The following ZBTB1 variants were observed in gnomAD, a reference collection of about 807,000 sequenced individuals.
The protein encoded by ZBTB1 is zinc finger and BTB domain containing 1.
In ZBTB1, 13 loss-of-function variants were observed where a neutral mutation model predicts 51.6. The ratio of observed to expected loss-of-function variants is 0.25; its 90% CI spans 0.16 to 0.40. The LOEUF is 0.40. Among genes scored for constraint, ZBTB1 ranks in the 10% least tolerant of loss-of-function variants. ZBTB1 has a pLI of 1.00. For missense variants in ZBTB1, 567 were observed against 856.5 expected (o/e 0.66, Z 4.22); for synonymous variants, 240 against 282.2 (o/e 0.85, Z 1.50).
At chr14:64,512,501 A>G (rs1408284356) in intron 1 of ZBTB1, among the ~76,000 whole-genome samples, 3 of 152,242 alleles carry the variant, frequency 2.0e-5, no homozygotes, top group African/African-American at 4.8e-5. Flanking sequence ...TAGGCTTAAT[A>G]TATAGCTCCA....
At chr14:64,516,359 C>G (rs1013553423) in intron 1 of ZBTB1, among the ~76,000 whole-genome samples, 4 of 152,222 alleles carry the variant, frequency 2.6e-5, no homozygotes, top group African/African-American at 9.6e-5. Context: ...TTATAAGTTA[C>G]TGTGCCTAAA....
At chr14:64,509,846 G>T (rs1021874044) in intron 1 of ZBTB1, among the ~76,000 whole-genome samples, 7 of 152,028 alleles carry the variant, frequency 4.6e-5, no homozygotes, top group Non-Finnish European at 1.0e-4. Flanking sequence ...GCGTGGTGGT[G>T]GGCGCCTGTA....
Position 64,523,101 on chromosome 14 carries a change from C to T in ZBTB1, c.1597C>T (p.Pro533Ser). ...KKQLFKHSAC[P>S]FRCPNCGQRF... ...GCAGTTATTTAAACATTCTGCCTGC[C>T]CTTTTCGATGTCCTAATTGTGGCCA... The change falls in exon 2 of 2, where the codon CCT becomes TCT. Residue 533 changes from proline (P) to serine (S), a missense_variant. Around this residue, in one of 5 missense-constraint regions of ZBTB1, gnomAD observed 329 missense variants for 406.3 expected, o/e 0.81. Transcript: ENST00000683701. The surrounding 1 kb of genome is among the most constrained non-coding windows in gnomAD (Gnocchi z 4.5). 1 of 1,614,170 alleles carries T rather than the reference C, an allele frequency of 6.2e-7. No homozygotes were observed. The highest frequency in any genetic ancestry group is 8.5e-7 in the Non-Finnish European group (1 of 1,180,024).
At chr14:64,516,729 A>G (rs2079790551) in intron 1 of ZBTB1, 1 of 152,262 alleles carries the variant, frequency 6.6e-6, no homozygotes, top group South Asian at 2.1e-4. Flanking sequence ...TCAACACTTT[A>G]TACAGTGCCT....
At chr14:64,510,299 A>G (rs1198344996) in intron 1 of ZBTB1, among the ~76,000 whole-genome samples, 1 of 152,246 alleles carries the variant, frequency 6.6e-6, no homozygotes, top group Non-Finnish European at 1.5e-5. Context: ...AACCTTCTCA[A>G]GGTCACACAC....
At chr14:64,513,008 C>G (rs1191170415) in intron 1 of ZBTB1, among the ~76,000 whole-genome samples, 2 of 152,010 alleles carry the variant, frequency 1.3e-5, no homozygotes, top group Non-Finnish European at 2.9e-5. Context: ...ACACTGTATG[C>G]CTCTGTTATT....
rs987968078 is a variant in ZBTB1 at position 64,523,981 on chromosome 14, TG to T, written c.*336del. The T allele has an allele frequency of 8.9e-6, 9 of 1,013,050 alleles. No individual in the cohort carries two copies. The highest frequency in any genetic ancestry group is 5.3e-5 in the African/African-American group (3 of 57,036). The allele number at this position is 1,013,050 out of a possible 1,614,324, so 62.8% of individuals were successfully genotyped here. A position where few individuals can be genotyped will look rare whatever the true frequency, so the allele number is the denominator to read the frequency against. On this transcript the variant is annotated 3_prime_UTR_variant, in exon 2 of 2. Coordinates refer to ENST00000683701, the MANE Select transcript of ZBTB1 (RefSeq NM_001123329.2). This position sits in a 1 kb window ranked among gnomAD's most constrained non-coding sequence, Gnocchi z 4.5. ...AGGTGATGACTTCACTATTTCTATG[TG>T]TTTTTTTTTTTTTAAGGTTATCCTG...
At position 64,524,755 on chromosome 14, in the gene ZBTB1, T is replaced by C. The variant is rs908958399; in HGVS notation, c.*1109T>C. 1.0e-5 allele frequency: 10 copies of C among 981,836 alleles called. No individual in the cohort carries two copies. The highest frequency in any genetic ancestry group is 1.0e-3 in the Middle Eastern group (2 of 1,932). 60.8% of individuals were successfully genotyped at this position (981,836 alleles called of 1,614,324 possible). On this transcript the variant is annotated 3_prime_UTR_variant, in exon 2 of 2. Coordinates refer to ENST00000683701, the MANE Select transcript of ZBTB1 (RefSeq NM_001123329.2). The stretch of plus-strand genomic sequence containing the variant: ...TGCAGTTTATCGCCATATTTTATTA[T>C]CATTTTTTTCTGTAAAAGACTATAA...
chr14:64,531,479 T>G (rs891921940), intron 2 of ZBTB1, among the ~76,000 whole-genome samples: 1 of 152,168 alleles, frequency 6.6e-6, no homozygotes, highest in Non-Finnish European at 1.5e-5. Flanking sequence ...TAGATTTATG[T>G]TTCAATCAGA....
Position 64,522,243 on chromosome 14 carries a change from A to G in ZBTB1, c.739A>G (p.Thr247Ala), listed in dbSNP as rs2079867320. 1 of 1,614,116 alleles carries G rather than the reference A, an allele frequency of 6.2e-7. No individual in the cohort carries two copies. Among genetic ancestry groups the G allele is most frequent in the African/African-American group, 1.3e-5 (1 of 74,952 alleles). Reference sequence around the variant, plus strand: ...TACTAACAGACATTTATACCAAAACACAAGATCTTACCATAGAATAGTAGA... The same window carrying G: ...TACTAACAGACATTTATACCAAAACGCAAGATCTTACCATAGAATAGTAGA... ...TCTNRHLYQN[T>A]RSYHRIVDIR... Residue 247 changes from threonine to alanine, a missense_variant, in exon 2 of 2, where the codon ACA (threonine) becomes GCA (alanine). Thr to Ala is a moderately conservative substitution (Grantham distance 58, BLOSUM62 0). Around this residue, in one of 5 missense-constraint regions of ZBTB1, gnomAD observed 329 missense variants for 406.3 expected, o/e 0.81. Coordinates refer to ENST00000683701, the MANE Select transcript of ZBTB1 (RefSeq NM_001123329.2).
chr14:64,507,272 T>A (rs765761312), intron 1 of ZBTB1, among the ~76,000 whole-genome samples: 4 of 152,230 alleles, frequency 2.6e-5, no homozygotes, highest in Non-Finnish European at 5.9e-5. Flanking sequence ...GACATTTTCT[T>A]CTGTGCTAGT....
upstream of ZBTB1, chr14:64,504,628 G>A (rs1271121375): frequency 6.4e-6 from 2 of 313,390 alleles, no homozygotes; most frequent in Non-Finnish European, 1.2e-5. Flanking sequence ...GCAGCCAGCG[G>A]CAGAGTGGGT....
chr14:64,532,866 G>A (rs2079952910), exon 3 of ZBTB1: 1 of 131,014 alleles, frequency 7.6e-6, no homozygotes, highest in Non-Finnish European at 1.8e-5. Context: ...ATATATATGT[G>A]CACATATATA....
chr14:64,511,320 C>T (rs988656689), intron 1 of ZBTB1: 4 of 147,260 alleles, frequency 2.7e-5, no homozygotes, highest in Admixed American at 2.7e-4. Flanking sequence ...TTTTCCTCCT[C>T]TGCTTCTGGA....
At chr14:64,519,977 A>G (rs935864415) in intron 1 of ZBTB1, among the ~76,000 whole-genome samples, 2 of 136,194 alleles carry the variant, frequency 1.5e-5, no homozygotes, top group Non-Finnish European at 3.1e-5. Flanking sequence ...ATTTCTATAT[A>G]ATCTAATAAG....
At chr14:64,513,950 G>A (rs1315937283) in intron 1 of ZBTB1, among the ~76,000 whole-genome samples, 13 of 152,142 alleles carry the variant, frequency 8.5e-5, no homozygotes, top group African/African-American at 1.4e-4. Flanking sequence ...ATGAGCCACC[G>A]CACCGGCCTC....
chr14:64,513,723 T>C (rs996958508), intron 1 of ZBTB1, among the ~76,000 whole-genome samples: 2 of 152,114 alleles, frequency 1.3e-5, no homozygotes, highest in Non-Finnish European at 2.9e-5. Flanking sequence ...GTGCAGTGGC[T>C]CAATCTCAGT....
chr14:64,520,578 G>A (rs1260208896), intron 1 of ZBTB1, among the ~76,000 whole-genome samples: 1 of 152,028 alleles, frequency 6.6e-6, no homozygotes, highest in Admixed American at 6.5e-5. Flanking sequence ...AACAACACAT[G>A]GCCAATCTTG....
chr14:64,518,924 A>ATATATATATATATATATG lies in ZBTB1; in HGVS notation c.-18-2551_-18-2550insTATATGTATATATATATA, dbSNP rs1417845066. On this transcript the variant is annotated intron_variant, in intron 1 of 1. Transcript: ENST00000683701. Reference sequence around the variant, plus strand: ...GAGAGGTATATATATATATATATATATATATATATATAGTATGATACCATT... The same window carrying ATATATATATATATATATG: ...GAGAGGTATATATATATATATATATATATATATATATATATATGTATATATATATAGTATGATACCATT... 2.8e-5 allele frequency among the ~76,000 whole-genome samples: 4 copies of ATATATATATATATATATG among 141,190 alleles called. 1 individual carries two copies. Among genetic ancestry groups the ATATATATATATATATATG allele is most frequent in the African/African-American group, 1.1e-4 (4 of 37,372 alleles). The allele number at this position is 141,190 out of a possible 152,430, so 92.6% of individuals were successfully genotyped here. A position where few individuals can be genotyped will look rare whatever the true frequency, so the allele number is the denominator to read the frequency against.
Sources: allele counts gnomAD v4.1 joint callset (sites outside exome capture counted in the v4.1 genomes callset), GRCh38; gene constraint gnomAD v4.1.1; regional missense constraint gnomAD v4.1.1; non-coding constraint Gnocchi (gnomAD v3.1); transcripts MANE v1.5; gene names NCBI Gene and HGNC (gene_info 2026-07-23, HGNC 2026-07-21).